The following NOXA1 variants were observed in gnomAD, a reference collection of about 807,000 sequenced individuals.
NOXA1 encodes the protein NADPH oxidase activator 1.
In NOXA1, 56 loss-of-function variants were observed where a neutral mutation model predicts 64.8. The observed-to-expected ratio is 0.86, with a 90% CI of 0.70 to 1.08. The LOEUF (loss-of-function observed/expected upper bound fraction) is 1.08, where lower values mean the gene tolerates loss of function less well. Among genes scored for constraint, NOXA1 ranks in the 50% least tolerant of loss-of-function variants. NOXA1 has a pLI of 0.00. For missense variants in NOXA1, 668 were observed against 658.5 expected (o/e 1.01, Z -0.16); for synonymous variants, 295 against 294.8 (o/e 1.00, Z -0.01).
intron 5 of NOXA1, among the ~76,000 whole-genome samples, chr9:137,429,863 C>G (rs1476552061): frequency 1.2e-4 from 8 of 68,360 alleles, no homozygotes; most frequent in East Asian, 9.6e-4. Flanking sequence ...GGGGGGGGGT[C>G]CCTGCGTCCC....
chr9:137,429,341 C>T lies in NOXA1; in HGVS notation c.570C>T (p.His190=). 5.0e-6 allele frequency: 8 copies of T among 1,585,676 alleles called. No homozygotes were observed. Among genetic ancestry groups the T allele is most frequent in the Non-Finnish European group, 6.0e-6 (7 of 1,167,482 alleles). ...RGEVFRPHRW[H]LKHLEPVDFL... ...AGGTCTTCCGGCCCCACCGGTGGCA[C>T]CTGAAGCACTTGGAGCCCGTGGATT... The change falls in exon 5 of 14, where the codon CAC becomes CAT. Residue 190 remains histidine, a synonymous_variant. Coordinates refer to ENST00000683555, the MANE Select transcript of NOXA1 (RefSeq NM_001256067.2).
intron 1 of NOXA1, among the ~76,000 whole-genome samples, chr9:137,424,993 G>A (rs573165271): frequency 6.6e-6 from 1 of 152,204 alleles, no homozygotes; most frequent in African/African-American, 2.4e-5. Flanking sequence ...GGCAGCCCAG[G>A]GTGCAGAGGG....
chr9:137,426,491 G>A (rs904470298), intron 2 of NOXA1, among the ~76,000 whole-genome samples, 161 bp downstream of exon 2: 2 of 151,598 alleles, frequency 1.3e-5, no homozygotes, highest in African/African-American at 2.4e-5. Context: ...TGTGGCCCTC[G>A]CCTCTGCTGA....
At chr9:137,433,100 C>T (rs780368950) in intron 9 of NOXA1, 26 bp downstream of exon 9, 1 of 1,612,078 alleles carries the variant, frequency 6.2e-7, no homozygotes, top group Non-Finnish European at 8.5e-7. Flanking sequence ...GCGGCGGGGT[C>T]CCCGGGTGAA....
rs1387931943 is a variant in NOXA1, at chr9:137,428,153, CA to C, written c.369+13del. The C allele has an allele frequency of 1.4e-5, 22 of 1,543,336 alleles. No homozygotes were observed. The highest frequency in any genetic ancestry group is 1.8e-5 in the Non-Finnish European group (21 of 1,139,608). ...TGCAAGCCTGGGAGGTGAGGCCGGG[CA>C]GGGCTCACTGTGCTGCTGGCTGTGG... On this transcript the variant is annotated intron_variant, in intron 3 of 13. Coordinates refer to ENST00000683555, the MANE Select transcript of NOXA1 (RefSeq NM_001256067.2).
At chr9:137,427,379 C>G (rs1838883975) in intron 2 of NOXA1, among the ~76,000 whole-genome samples, 1 of 152,198 alleles carries the variant, frequency 6.6e-6, no homozygotes, top group African/African-American at 2.4e-5. Flanking sequence ...AACCCACCTT[C>G]TAACAAGATC....
intron 3 of NOXA1, 141 bp from the exon 4 acceptor site, chr9:137,428,741 T>TG: frequency 2.6e-6 from 1 of 382,714 alleles, no homozygotes; most frequent in Non-Finnish European, 3.8e-6. Context: ...AGAGGCTGGG[T>TG]GGGGGGATGG....
chr9:137,433,582 C>T lies in NOXA1; in HGVS notation c.1039C>T (p.His347Tyr). The change falls in exon 11 of 14, where the codon CAC becomes TAC. Residue 347 changes from histidine to tyrosine, a missense_variant. By Grantham distance (83) the His-to-Tyr change is moderately conservative. Transcript: ENST00000683555. ...LRALLGQALP[H>Y]QAQLGQLSYL... ...GGCACTGCTGGGCCAAGCCCTCCCT[C>T]ACCAGGCCCAGCTTGGGCAACTCAG... The T allele has an allele frequency of 2.6e-6, 4 of 1,557,534 alleles. No homozygotes were observed. The highest frequency in any genetic ancestry group is 3.5e-6 in the Non-Finnish European group (4 of 1,152,972).
Position 137,431,994 on chromosome 9 carries a change from G to A in NOXA1, c.804+653G>A, listed in dbSNP as rs992636002. 1.3e-5 allele frequency among the ~76,000 whole-genome samples: 2 copies of A among 152,196 alleles called. No individual in the cohort carries two copies. Among genetic ancestry groups the A allele is most frequent in the Admixed American group, 1.3e-4 (2 of 15,290 alleles). On this transcript the variant is annotated intron_variant, in intron 8 of 13. Coordinates refer to ENST00000683555, the MANE Select transcript of NOXA1 (RefSeq NM_001256067.2). The surrounding 1 kb of genome is among the most constrained non-coding windows in gnomAD (Gnocchi z 5.6). ...TTTAACCGTGGCATCCCGGGGGCAA[G>A]GGCGCCCTCCAAGCTGTGCTTCACT...
rs1222021763 is a variant in NOXA1 at position 137,429,339 on chromosome 9, C to T, written c.568C>T (p.His190Tyr). 1.3e-6 allele frequency: 2 copies of T among 1,584,792 alleles called. No individual in the cohort carries two copies. Among genetic ancestry groups the T allele is most frequent in the East Asian group, 2.3e-5 (1 of 43,836 alleles). The stretch of plus-strand genomic sequence containing the variant: ...CGAGGTCTTCCGGCCCCACCGGTGG[C>T]ACCTGAAGCACTTGGAGCCCGTGGA... ...RGEVFRPHRW[H>Y]LKHLEPVDFL... The change falls in exon 5 of 14, where the codon CAC becomes TAC. Residue 190 changes from histidine (H) to tyrosine (Y), a missense_variant. By Grantham distance (83) the His-to-Tyr change is moderately conservative. Coordinates refer to ENST00000683555, the MANE Select transcript of NOXA1 (RefSeq NM_001256067.2).
rs540402149 is a variant in NOXA1 at position 137,431,465 on chromosome 9, C to T, written c.804+124C>T. The T allele has an allele frequency of 3.0e-5, 24 of 790,708 alleles. No individual in the cohort carries two copies. The highest frequency in any genetic ancestry group is 1.3e-4 in the South Asian group (8 of 61,010). The allele number at this position is 790,708 out of a possible 1,614,324, so 49.0% of individuals were successfully genotyped here. ...CAGCTCGCTGGGGGGTAGACGGGGC[C>T]GGGCTCACCCGTGGTCCTGGCCCAG... On this transcript the variant is annotated intron_variant, in intron 8 of 13. Transcript: ENST00000683555. This position sits in a 1 kb window ranked among gnomAD's most constrained non-coding sequence, Gnocchi z 5.6.
intron 3 of NOXA1, among the ~76,000 whole-genome samples, chr9:137,428,582 C>T (rs536776018): frequency 6.6e-6 from 1 of 151,428 alleles, no homozygotes; most frequent in East Asian, 1.9e-4. Flanking sequence ...AGGGAAAGCC[C>T]ACTGGTGTGG....
chr9:137,426,504 G>A (rs538394742), intron 2 of NOXA1, among the ~76,000 whole-genome samples, 174 bp downstream of exon 2: 3 of 152,102 alleles, frequency 2.0e-5, no homozygotes, highest in East Asian at 1.9e-4. Context: ...TCTGCTGAGC[G>A]CCACCCTTGG....
At chr9:137,432,724 C>T (rs570164191) in intron 8 of NOXA1, among the ~76,000 whole-genome samples, 1 of 152,360 alleles carries the variant, frequency 6.6e-6, no homozygotes, top group South Asian at 2.1e-4. Context: ...GGCCGGGGCC[C>T]AGGGACTGGG....
Position 137,430,834 on chromosome 9 carries a change from G to A in NOXA1, c.663G>A (p.Gln221=). 1 of 1,587,688 alleles carries A rather than the reference G, an allele frequency of 6.3e-7. No homozygotes were observed. The highest frequency in any genetic ancestry group is 1.1e-5 in the South Asian group (1 of 89,502). The change falls in exon 6 of 14, where the codon CAG becomes CAA. Residue 221 remains glutamine, a synonymous_variant. Coordinates refer to ENST00000683555, the MANE Select transcript of NOXA1 (RefSeq NM_001256067.2). Reference sequence around the variant, plus strand: ...ACCAGGGCTGGGGCGTCCGCCCTCAGCAGCCACAGGTGGGTTTGCGGCCCC... The same window carrying A: ...ACCAGGGCTGGGGCGTCCGCCCTCAACAGCCACAGGTGGGTTTGCGGCCCC... The part of the protein sequence containing the change: ...PDDQGWGVRP[Q]QPQGPGANHD...
chr9:137,425,558 G>T (rs1354893228), intron 1 of NOXA1, among the ~76,000 whole-genome samples: 1 of 152,128 alleles, frequency 6.6e-6, no homozygotes, highest in Non-Finnish European at 1.5e-5. Context: ...GCTAATTTTT[G>T]TATTTTTAGT....
chr9:137,430,415 C>G (rs1283707395), intron 5 of NOXA1, among the ~76,000 whole-genome samples: 1 of 152,218 alleles, frequency 6.6e-6, no homozygotes, highest in Admixed American at 6.5e-5. Context: ...CCTCGGTCAC[C>G]TGCGCTGCGC....
chr9:137,428,199 A>G, intron 3 of NOXA1, 58 bp downstream of exon 3: 1 of 1,261,786 alleles, frequency 7.9e-7, no homozygotes, highest in South Asian at 1.3e-5. Context: ...GGGCGGTGGC[A>G]CTGTCACAGG....
Position 137,433,193 on chromosome 9 carries a change from T to C in NOXA1, c.851-12T>C. ...GTGGTAGTGGCTGTGTCAGTCTTGC[T>C]CTGTCCTACAGGGCTGCCGGCAATG... On this transcript the variant is annotated splice_polypyrimidine_tract_variant and intron_variant, in intron 9 of 13. Coordinates refer to ENST00000683555, the MANE Select transcript of NOXA1 (RefSeq NM_001256067.2). 1 of 1,609,458 alleles carries C rather than the reference T, an allele frequency of 6.2e-7. No homozygotes were observed. The highest frequency in any genetic ancestry group is 8.5e-7 in the Non-Finnish European group (1 of 1,178,530).
Sources: allele counts gnomAD v4.1 joint callset (sites outside exome capture counted in the v4.1 genomes callset), GRCh38; gene constraint gnomAD v4.1.1; non-coding constraint Gnocchi (gnomAD v3.1); transcripts MANE v1.5; gene names NCBI Gene and HGNC (gene_info 2026-07-23, HGNC 2026-07-21).